Variants in TFDP1 observed in about 807,000 individuals in gnomAD.
The protein encoded by TFDP1 is DRTF1-polypeptide 1.
In TFDP1, 6 loss-of-function variants were observed where a neutral mutation model predicts 48.0. The ratio of observed to expected loss-of-function variants is 0.13; its 90% confidence interval spans 0.07 to 0.25. TFDP1 has a LOEUF of 0.25. Ranked by LOEUF, TFDP1 falls within the 10% of genes least tolerant of loss-of-function variation. The pLI is 1.00. For missense variants in TFDP1, 335 were observed against 543.0 expected (o/e 0.62, Z 3.81); for synonymous variants, 201 against 211.6 (o/e 0.95, Z 0.44).
intron 1 of TFDP1, 117 bp from the exon 2 acceptor site, chr13:113,585,657 A>G: frequency 1.7e-6 from 1 of 585,068 alleles, no homozygotes; most frequent in South Asian, 2.3e-5. Context: ...CTCAGGATGG[A>G]GGGTGCCTTT....
chr13:113,635,931 G>T (rs777954306), intron 8 of TFDP1, 46 bp from the exon 9 acceptor site: 2 of 1,593,018 alleles, frequency 1.3e-6, no homozygotes, highest in African/African-American at 2.7e-5. Context: ...CAGGGGCTGC[G>T]TTCTTGTGCC....
At chr13:113,593,872 T>G (rs1394452647) in intron 2 of TFDP1, among the ~76,000 whole-genome samples, 2 of 121,772 alleles carry the variant, frequency 1.6e-5, no homozygotes, top group African/African-American at 3.2e-5. Context: ...TGCTGTGTGC[T>G]GATCCTCAGC....
intron 3 of TFDP1, among the ~76,000 whole-genome samples, chr13:113,612,467 T>G (rs2048731542): frequency 6.6e-6 from 1 of 152,256 alleles, no homozygotes; most frequent in Non-Finnish European, 1.5e-5. Context: ...CTTTTTGTCT[T>G]GATCATTTGA....
chr13:113,609,323 T>C (rs74116258), intron 2 of TFDP1, among the ~76,000 whole-genome samples: 2,816 of 152,284 alleles, frequency 0.018, 88 homozygotes, highest in African/African-American at 0.059. Flanking sequence ...AGGTGGTCAA[T>C]GGGACATCCA....
intron 2 of TFDP1, among the ~76,000 whole-genome samples, chr13:113,588,202 G>T (rs569488001): frequency 6.6e-6 from 1 of 152,252 alleles, no homozygotes; most frequent in African/African-American, 2.4e-5. Flanking sequence ...ACAGGTGTAT[G>T]TCAAAAGCCT....
At chr13:113,610,881 C>G in intron 2 of TFDP1, 115 bp from the exon 3 acceptor site, 2 of 936,344 alleles carry the variant, frequency 2.1e-6, no homozygotes, top group Non-Finnish European at 1.7e-6. Context: ...TAACTGTGGT[C>G]CTTCTGCCTT....
At chr13:113,618,321 A>G (rs892811218) in intron 3 of TFDP1, among the ~76,000 whole-genome samples, 2 of 152,240 alleles carry the variant, frequency 1.3e-5, no homozygotes, top group African/African-American at 4.8e-5. Flanking sequence ...CAGGAGTTCA[A>G]GACCAGTCTG....
At chr13:113,630,763 A>G (rs945241855) in intron 4 of TFDP1, among the ~76,000 whole-genome samples, 1 of 148,720 alleles carries the variant, frequency 6.7e-6, no homozygotes, top group African/African-American at 2.5e-5. Flanking sequence ...TCGAACATTC[A>G]TTGTTGGAAC....
In TFDP1 at chr13:113,636,669, G is replaced by A; in HGVS notation, c.975G>A (p.Leu325=). The change falls in exon 10 of 12, where the codon CTG becomes CTA. Residue 325 remains leucine (L), a synonymous_variant. Coordinates refer to ENST00000375370, the MANE Select transcript of TFDP1 (RefSeq NM_007111.5). ...AAGACCTTAAAATGGCCAGAAGTCT[G>A]GTCCCCAAGGCTCTGGAGCCATACG... The part of the protein sequence containing the change: ...SAEDLKMARS[L]VPKALEPYVT... The A allele has an allele frequency of 6.2e-7, 1 of 1,610,546 alleles. No individual in the cohort carries two copies. The highest frequency in any genetic ancestry group is 1.7e-5 in the Admixed American group (1 of 59,878).
At chr13:113,587,320 CAG>C (rs4150686) in intron 2 of TFDP1, among the ~76,000 whole-genome samples, 5,138 of 151,952 alleles carry the variant, frequency 0.034, 121 homozygotes, top group Non-Finnish European at 0.052. Context: ...ACCTTGCACT[CAG>C]GGGTTGTGAT....
At position 113,585,767 on chromosome 13, in the gene TFDP1, T is replaced by TTTA; in HGVS notation, c.-64-6_-64-5insTAT. On this transcript the variant is annotated splice_polypyrimidine_tract_variant and splice_region_variant and intron_variant, in intron 1 of 11. Transcript: ENST00000375370. ...TTTTTCCTTACTTTTTTTTTTTTTT[T>TTTA]TACCAGAAAAATCATTTTTCTTCTC... 1 of 1,398,860 alleles carries TTTA rather than the reference T, an allele frequency of 7.1e-7. No homozygotes were observed. 86.7% of individuals were successfully genotyped at this position (1,398,860 alleles called of 1,614,324 possible). A position where few individuals can be genotyped will look rare whatever the true frequency, so the allele number is the denominator to read the frequency against.
intron 4 of TFDP1, among the ~76,000 whole-genome samples, chr13:113,631,073 C>T (rs2049323616): frequency 6.6e-6 from 1 of 152,238 alleles, no homozygotes; most frequent in Admixed American, 6.5e-5. Flanking sequence ...TGGCTGTCAC[C>T]CTGCTGGGCT....
Position 113,606,648 on chromosome 13 carries a change from C to G in TFDP1, c.13-4348C>G, listed in dbSNP as rs574634415. Among the ~76,000 whole-genome samples, 150 of 152,302 alleles carry G rather than the reference C, an allele frequency of 9.8e-4. 1 individual carries two copies. Among genetic ancestry groups the G allele is most frequent in the African/African-American group, 3.4e-3 (141 of 41,570 alleles). Reference sequence around the variant, plus strand: ...TGCTCCCGCTCACGTCTCCCCAGTTCACCTGCCTCCAGTGCTGGTTTATAG... The same window carrying G: ...TGCTCCCGCTCACGTCTCCCCAGTTGACCTGCCTCCAGTGCTGGTTTATAG... On this transcript the variant is annotated intron_variant, in intron 2 of 11. Coordinates refer to ENST00000375370, the MANE Select transcript of TFDP1 (RefSeq NM_007111.5).
Position 113,587,469 on chromosome 13 carries a change from GT to G in TFDP1, c.12+1624del, listed in dbSNP as rs530201948. ...TTGTGAACAAGTCAAGGAATTTGATGTTTTCGCTAGCTCTTTTTTTTTTTTT... is the reference window on the plus strand; with the variant it reads ...TTGTGAACAAGTCAAGGAATTTGATGTTTCGCTAGCTCTTTTTTTTTTTTT... On this transcript the variant is annotated intron_variant, in intron 2 of 11. Coordinates refer to ENST00000375370, the MANE Select transcript of TFDP1 (RefSeq NM_007111.5). Among the ~76,000 whole-genome samples the G allele has an allele frequency of 9.5e-5, 14 of 147,886 alleles. No individual in the cohort carries two copies. The South Asian group carries it at 3.0e-3, about 32-fold the overall frequency.
At chr13:113,599,616 C>A (rs1435012980) in intron 2 of TFDP1, among the ~76,000 whole-genome samples, 1 of 152,054 alleles carries the variant, frequency 6.6e-6, no homozygotes, top group East Asian at 1.9e-4. Flanking sequence ...GTAGTCCCCC[C>A]TGCCCTGTTG....
chr13:113,618,646 G>T (rs2048920875), intron 3 of TFDP1, among the ~76,000 whole-genome samples: 1 of 152,248 alleles, frequency 6.6e-6, no homozygotes, highest in African/African-American at 2.4e-5. Flanking sequence ...TTGGGGAGCT[G>T]GGTGGACTCT....
chr13:113,640,322 T>A lies in TFDP1; in HGVS notation c.*55T>A. On this transcript the variant is annotated 3_prime_UTR_variant, in exon 12 of 12. Transcript: ENST00000375370. ...GAAAACGTTTAGCGAAAAGAAACTT[T>A]TTTTTTAATGTGGGTTTTCTGTTTC... The A allele has an allele frequency of 6.5e-7, 1 of 1,549,042 alleles. No individual in the cohort carries two copies. The highest frequency in any genetic ancestry group is 8.7e-7 in the Non-Finnish European group (1 of 1,150,240).
chr13:113,611,338 A>G (rs2048703737), intron 3 of TFDP1, among the ~76,000 whole-genome samples: 1 of 152,180 alleles, frequency 6.6e-6, no homozygotes, highest in South Asian at 2.1e-4. Context: ...AGAAGAAATA[A>G]AGATAGTTTG....
rs936903158 is a variant in TFDP1, at chr13:113,607,206, G to C, written c.13-3790G>C. ...CAGCGGCAGCACTGTTGCTGCGGCTGAGACAGCGCAGGGCGTCATTCATCC... is the reference window on the plus strand; with the variant it reads ...CAGCGGCAGCACTGTTGCTGCGGCTCAGACAGCGCAGGGCGTCATTCATCC... On this transcript the variant is annotated intron_variant, in intron 2 of 11. Transcript: ENST00000375370. This position sits in a 1 kb window ranked among gnomAD's most constrained non-coding sequence, Gnocchi z 5.2. Among the ~76,000 whole-genome samples, 2 of 152,314 alleles carry C rather than the reference G, an allele frequency of 1.3e-5. No homozygotes were observed. The highest frequency in any genetic ancestry group is 1.3e-4 in the Admixed American group (2 of 15,306).
Sources: allele counts gnomAD v4.1 joint callset (sites outside exome capture counted in the v4.1 genomes callset), GRCh38; gene constraint gnomAD v4.1.1; non-coding constraint Gnocchi (gnomAD v3.1); transcripts MANE v1.5; gene names NCBI Gene and HGNC (gene_info 2026-07-23, HGNC 2026-07-21).